Variants in PKHD1 observed in about 807,000 individuals in gnomAD.
PKHD1 encodes fibrocystin.
Under a neutral mutation model 412.0 loss-of-function variants are expected in PKHD1, and 291 were observed. That is an observed-to-expected ratio of 0.71 (90% confidence interval 0.64 to 0.78). The LOEUF is 0.78. Among genes scored for constraint, PKHD1 ranks in the 30% least tolerant of loss-of-function variants. The pLI is 0.00. For synonymous variants in PKHD1, 1,777 were observed against 1,821.5 expected, an observed-to-expected ratio of 0.98 and a Z score of 0.62; for missense variants, 4,825 against 4,950.7, an observed-to-expected ratio of 0.97 and a Z score of 0.76.
At chr6:51,923,480 T>C (rs1410901858) in intron 37 of PKHD1, among the ~76,000 whole-genome samples, 2 of 150,242 alleles carry the variant, frequency 1.3e-5, no homozygotes, top group African/African-American at 4.9e-5. Flanking sequence ...CATAGTTTGC[T>C]GACCCTAGTT....
chr6:52,026,703 A>G (rs1802249540), intron 31 of PKHD1, among the ~76,000 whole-genome samples: 1 of 152,184 alleles, frequency 6.6e-6, no homozygotes, highest in Admixed American at 6.5e-5. Flanking sequence ...TATTTATTGT[A>G]CCATATATTC....
In PKHD1 at chr6:51,668,290, T is replaced by C. The variant is rs372620873; in HGVS notation, c.10157-8321A>G. On this transcript the variant is annotated intron_variant, in intron 60 of 66. Transcript: ENST00000371117. ...CTTGTAAGTTGGATTCCTAGGTATT[T>C]TATTCTCTTTGAAGCAATTGTGAAT... Among the ~76,000 whole-genome samples the C allele has an allele frequency of 3.4e-4, 52 of 152,334 alleles. 1 individual carries two copies. The East Asian group carries it at 7.1e-3, about 21-fold the overall frequency.
At chr6:52,041,731 T>A (rs1376536239) in intron 27 of PKHD1, among the ~76,000 whole-genome samples, 1 of 152,090 alleles carries the variant, frequency 6.6e-6, no homozygotes, top group Non-Finnish European at 1.5e-5. Flanking sequence ...TCTGATAGGG[T>A]AACCAACTCA....
chr6:51,998,510 C>A (rs778703731), intron 35 of PKHD1, among the ~76,000 whole-genome samples: 2 of 152,178 alleles, frequency 1.3e-5, no homozygotes, highest in Non-Finnish European at 2.9e-5. Context: ...GGGAACTCTT[C>A]AAAATATTCC....
At chr6:52,009,180 G>A (rs907812136) in intron 35 of PKHD1, among the ~76,000 whole-genome samples, 15 of 152,192 alleles carry the variant, frequency 9.9e-5, no homozygotes, top group Non-Finnish European at 4.4e-5. Context: ...ACGATGAAGC[G>A]AGAAGTGACA....
intron 2 of PKHD1, among the ~76,000 whole-genome samples, chr6:52,084,181 G>T (rs916525056): frequency 6.6e-6 from 1 of 152,202 alleles, no homozygotes; most frequent in Non-Finnish European, 1.5e-5. Context: ...GTTACCGACA[G>T]AATTATTTAT....
chr6:51,659,310 C>T lies in PKHD1; in HGVS notation c.10816G>A (p.Glu3606Lys), dbSNP rs1383671238. Residue 3606 changes from glutamate to lysine, a missense_variant, in exon 61 of 67, where the codon GAG (glutamate) becomes AAG (lysine). Transcript: ENST00000371117. ...CTGTCAGCAATGGCCTTTAAGGTCT[C>T]TTCATGGCCAGGCATCTCGTGAATA... ...RFIHEMPGHE[E>K]TLKAIADSRA... 1 of 1,613,748 alleles carries T rather than the reference C, an allele frequency of 6.2e-7. No homozygotes were observed. The highest frequency in any genetic ancestry group is 8.5e-7 in the Non-Finnish European group (1 of 1,179,894).
chr6:51,895,314 G>A (rs1039082587), intron 43 of PKHD1, among the ~76,000 whole-genome samples: 6 of 152,138 alleles, frequency 3.9e-5, no homozygotes, highest in Non-Finnish European at 7.4e-5. Context: ...ATGTCTTTAA[G>A]TAATGGCACA....
chr6:51,729,502 A>T (rs907709128), intron 60 of PKHD1, among the ~76,000 whole-genome samples: 4 of 152,156 alleles, frequency 2.6e-5, no homozygotes, highest in Admixed American at 6.6e-5. Flanking sequence ...GCAGAGGGGT[A>T]AGAGGCATGA....
At chr6:51,658,187 C>T (rs556627827) in intron 61 of PKHD1, among the ~76,000 whole-genome samples, 2 of 152,154 alleles carry the variant, frequency 1.3e-5, no homozygotes, top group South Asian at 4.1e-4. Context: ...TAATAATAAG[C>T]TATGAGTACC....
At chr6:51,955,234 G>A (rs1404393656) in intron 36 of PKHD1, among the ~76,000 whole-genome samples, 3 of 151,838 alleles carry the variant, frequency 2.0e-5, no homozygotes, top group Non-Finnish European at 2.9e-5. Context: ...GCAGGAAGGA[G>A]GGAAGAAGTA....
At chr6:51,886,583 A>G (rs1320046144) in intron 44 of PKHD1, among the ~76,000 whole-genome samples, 1 of 152,208 alleles carries the variant, frequency 6.6e-6, no homozygotes, top group African/African-American at 2.4e-5. Context: ...TAAATGAGAA[A>G]TCTAAAATAT....
intron 60 of PKHD1, among the ~76,000 whole-genome samples, chr6:51,706,155 C>G (rs565177581): frequency 1.3e-5 from 2 of 152,048 alleles, no homozygotes; most frequent in African/African-American, 4.8e-5. Context: ...TTTCCTCTCT[C>G]GAAATTTTTT....
rs1554289495 is a variant in PKHD1 at position 51,885,959 on chromosome 6, CA to C, written c.7122del (p.Phe2374LeufsTer41). The C allele has an allele frequency of 1.9e-6, 3 of 1,590,378 alleles. No homozygotes were observed. Among genetic ancestry groups the C allele is most frequent in the Non-Finnish European group, 2.6e-6 (3 of 1,158,620 alleles). On this transcript the variant is annotated frameshift_variant, in exon 45 of 67. Transcript: ENST00000371117. LOFTEE classifies it high-confidence loss of function. ...IAHSCTRYGLFVYPKFQPPWD... is the reference protein window; with the variant it reads ...IAHSCTRYGLXVYPKFQPPWD... ...CAAGGTGGCTGAAATTTAGGGTATA[CA>C]AAGAGACCATACCTAAAAAGTGAAA...
chr6:51,800,068 A>G (rs1308719979), intron 52 of PKHD1, among the ~76,000 whole-genome samples: 1 of 152,152 alleles, frequency 6.6e-6, no homozygotes, highest in Admixed American at 6.6e-5. Flanking sequence ...CTGATCTGGA[A>G]AGAGGCTCCA....
At position 51,981,074 on chromosome 6, in the gene PKHD1, C is replaced by T. The variant is rs180720129; in HGVS notation, c.5752-21048G>A. ...GGTCAAAAATGGGAAAAAGCTACAGCGTTTATAACCTATTTGGAACACATG... is the reference window on the plus strand; with the variant it reads ...GGTCAAAAATGGGAAAAAGCTACAGTGTTTATAACCTATTTGGAACACATG... On this transcript the variant is annotated intron_variant, in intron 35 of 66. Coordinates refer to ENST00000371117, the MANE Select transcript of PKHD1 (RefSeq NM_138694.4). Among the ~76,000 whole-genome samples, 532 of 151,958 alleles carry T rather than the reference C, an allele frequency of 3.5e-3. 2 individuals are homozygous for T. Among genetic ancestry groups the T allele is most frequent in the African/African-American group, 0.012 (496 of 41,448 alleles).
chr6:51,636,558 TAAC>T (rs34478080), intron 64 of PKHD1, among the ~76,000 whole-genome samples: 1 of 150,402 alleles, frequency 6.6e-6, no homozygotes, highest in Non-Finnish European at 1.5e-5. Context: ...TCTCTAAAAA[TAAC>T]AACAACAACA....
chr6:52,079,416 G>A (rs1431154076), intron 5 of PKHD1, among the ~76,000 whole-genome samples: 1 of 152,160 alleles, frequency 6.6e-6, no homozygotes, highest in East Asian at 1.9e-4. Context: ...CCTCACCAAG[G>A]AACGTGGGGC....
intron 34 of PKHD1, among the ~76,000 whole-genome samples, chr6:52,015,805 C>T (rs1800450690): frequency 6.6e-6 from 1 of 151,184 alleles, no homozygotes; most frequent in African/African-American, 2.4e-5. Flanking sequence ...GCCTGGGCAA[C>T]AGAGCAAGAC....
Sources: gnomAD v4.1 joint callset for allele counts (sites outside exome capture counted in the v4.1 genomes callset) on GRCh38, gnomAD v4.1.1 for gene constraint, MANE v1.5 for transcripts, NCBI Gene and HGNC (gene_info 2026-07-23, HGNC 2026-07-21) for gene names.